Variants in SRGAP1 observed in about 807,000 individuals in gnomAD.
SRGAP1 encodes the protein SLIT-ROBO Rho GTPase activating protein 1.
Under a neutral mutation model 121.9 loss-of-function variants are expected in SRGAP1, and 43 were observed. The ratio of observed to expected loss-of-function variants is 0.35; its 90% CI spans 0.28 to 0.46. SRGAP1 has a LOEUF of 0.46. Among genes scored for constraint, SRGAP1 ranks in the 20% least tolerant of loss-of-function variants. The pLI, the probability that SRGAP1 is intolerant of heterozygous loss-of-function variation, is 1.00. For missense variants in SRGAP1, 1,102 were observed against 1,350.9 expected (o/e 0.82, Z 2.89); for synonymous variants, 447 against 485.4 (o/e 0.92, Z 1.04).
At chr12:64,021,864 G>T (rs1213048207) in intron 4 of SRGAP1, among the ~76,000 whole-genome samples, 1 of 152,118 alleles carries the variant, frequency 6.6e-6, no homozygotes, top group African/African-American at 2.4e-5. Context: ...AAAGTGAAAG[G>T]GTGAACCAGG....
chr12:64,079,725 C>G (rs529682123), intron 9 of SRGAP1, among the ~76,000 whole-genome samples: 1 of 151,792 alleles, frequency 6.6e-6, no homozygotes, highest in African/African-American at 2.4e-5. Context: ...ACTTTAATAT[C>G]TATACATGTC....
At chr12:63,989,171 T>C (rs1477797589) in intron 2 of SRGAP1, among the ~76,000 whole-genome samples, 1 of 152,250 alleles carries the variant, frequency 6.6e-6, no homozygotes, top group East Asian at 1.9e-4. Context: ...TCACTGTTTT[T>C]GTTGAGTTAT....
rs111765847 is a variant in SRGAP1 at position 63,870,685 on chromosome 12, G to A, written c.67+25802G>A. Among the ~76,000 whole-genome samples the A allele has an allele frequency of 1.3e-3, 201 of 152,042 alleles. 1 individual carries two copies. In the South Asian group the frequency reaches 0.015, roughly 12 times the overall value. On this transcript the variant is annotated intron_variant, in intron 1 of 21. Coordinates refer to ENST00000355086, the MANE Select transcript of SRGAP1 (RefSeq NM_020762.4). ...CTCCTGAGTAGCTGGGACTGCAGGC[G>A]TGTGCCACCATGCCCAACTAATTTT...
chr12:63,999,431 A>G (rs1371479493), intron 3 of SRGAP1, among the ~76,000 whole-genome samples: 2 of 152,160 alleles, frequency 1.3e-5, no homozygotes, highest in East Asian at 3.9e-4. Context: ...CAGCTCTTGG[A>G]ACTAATCCAG....
In SRGAP1 at chr12:64,149,585, C is replaced by T. The variant is rs1223144022; in HGVS notation, c.*6913C>T. ...AAATTGCGCCTGCCTCCCCATCTCT[C>T]ACTCCCGAACCAGAGTCCCAACGGG... On this transcript the variant is annotated 3_prime_UTR_variant, in exon 22 of 22. Coordinates refer to ENST00000355086, the MANE Select transcript of SRGAP1 (RefSeq NM_020762.4). 2 of 152,298 alleles carry T rather than the reference C, an allele frequency of 1.3e-5. No homozygotes were observed. Among genetic ancestry groups the T allele is most frequent in the Non-Finnish European group, 2.9e-5 (2 of 68,124 alleles). 9.4% of individuals were successfully genotyped at this position (152,298 alleles called of 1,614,324 possible).
chr12:64,007,178 A>G (rs1038734292), intron 3 of SRGAP1, among the ~76,000 whole-genome samples: 2 of 152,162 alleles, frequency 1.3e-5, no homozygotes, highest in African/African-American at 4.8e-5. Context: ...TCTGTGAGGC[A>G]AGGAGAATTT....
intron 1 of SRGAP1, among the ~76,000 whole-genome samples, chr12:63,864,140 C>G (rs1899545056): frequency 6.6e-6 from 1 of 152,144 alleles, no homozygotes; most frequent in South Asian, 2.1e-4. Context: ...CTCCACATAC[C>G]TAATCTATGA....
At position 64,160,433 on chromosome 12, in the gene SRGAP1, G is replaced by A. The variant is rs2037200732; in HGVS notation, c.*17761G>A. ...AAATCAATGTGGTCAAGGAAAGGAGGAAAAATATGTCCTCCTAGTAATTCC... is the reference window on the plus strand; with the variant it reads ...AAATCAATGTGGTCAAGGAAAGGAGAAAAAATATGTCCTCCTAGTAATTCC... On this transcript the variant is annotated 3_prime_UTR_variant, in exon 22 of 22. Coordinates refer to ENST00000355086, the MANE Select transcript of SRGAP1 (RefSeq NM_020762.4). 6.6e-6 allele frequency: 1 copy of A among 152,150 alleles called. No homozygotes were observed. The highest frequency in any genetic ancestry group is 2.4e-5 in the African/African-American group (1 of 41,438). 9.4% of individuals were successfully genotyped at this position (152,150 alleles called of 1,614,324 possible). A position where few individuals can be genotyped will look rare whatever the true frequency, so the allele number is the denominator to read the frequency against.
intron 1 of SRGAP1, among the ~76,000 whole-genome samples, chr12:63,917,237 G>T (rs1288182632): frequency 2.6e-5 from 4 of 152,118 alleles, no homozygotes; most frequent in African/African-American, 9.7e-5. Context: ...CGTTATTATT[G>T]TTATGATGAG....
intron 8 of SRGAP1, among the ~76,000 whole-genome samples, chr12:64,071,335 C>T (rs1455085784): frequency 6.6e-6 from 1 of 152,100 alleles, no homozygotes. Flanking sequence ...GTGGAGAAAC[C>T]ACTCGTTTTC....
At chr12:63,966,186 A>G (rs1044645755) in intron 1 of SRGAP1, among the ~76,000 whole-genome samples, 7 of 152,350 alleles carry the variant, frequency 4.6e-5, no homozygotes, top group Middle Eastern at 3.4e-3. Context: ...AGAACTCACA[A>G]AAATATAAAT....
intron 11 of SRGAP1, among the ~76,000 whole-genome samples, chr12:64,090,504 A>G (rs1485580360): frequency 6.6e-6 from 1 of 152,166 alleles, no homozygotes; most frequent in Non-Finnish European, 1.5e-5. Flanking sequence ...ATAAAATTCC[A>G]TTACTGCTGG....
intron 16 of SRGAP1, among the ~76,000 whole-genome samples, chr12:64,110,990 A>G (rs1482802211): frequency 6.6e-6 from 1 of 152,198 alleles, no homozygotes; most frequent in South Asian, 2.1e-4. Context: ...CTATACACTG[A>G]AAGATAACAT....
Position 63,991,986 on chromosome 12 carries a change from A to G in SRGAP1, c.426+1914A>G, listed in dbSNP as rs576895050. ...CTTAACTCTACCTAGGGGATGAGGA[A>G]ATTGTTCTCAGAAAGGGGAACACTT... On this transcript the variant is annotated intron_variant, in intron 3 of 21. Coordinates refer to ENST00000355086, the MANE Select transcript of SRGAP1 (RefSeq NM_020762.4). Among the ~76,000 whole-genome samples the G allele has an allele frequency of 2.0e-5, 3 of 152,350 alleles. No homozygotes were observed. In the South Asian group the frequency reaches 6.2e-4, roughly 32 times the overall value.
At chr12:63,862,559 A>C (rs1277326603) in intron 1 of SRGAP1, among the ~76,000 whole-genome samples, 1 of 152,228 alleles carries the variant, frequency 6.6e-6, no homozygotes, top group Non-Finnish European at 1.5e-5. Flanking sequence ...GATAGAACAA[A>C]GGTGTCTGCT....
At chr12:63,992,178 A>G (rs749842840) in intron 3 of SRGAP1, among the ~76,000 whole-genome samples, 2 of 152,258 alleles carry the variant, frequency 1.3e-5, no homozygotes, top group Non-Finnish European at 2.9e-5. Flanking sequence ...AAGGATGGTC[A>G]TGTAAGAAGG....
intron 1 of SRGAP1, among the ~76,000 whole-genome samples, chr12:63,885,371 A>T (rs1216859203): frequency 6.6e-6 from 1 of 152,188 alleles, no homozygotes; most frequent in Non-Finnish European, 1.5e-5. Context: ...GGTATGGAGT[A>T]AGGCACGCAG....
intron 1 of SRGAP1, among the ~76,000 whole-genome samples, chr12:63,937,937 G>A (rs891778749): frequency 4.6e-5 from 7 of 152,216 alleles, no homozygotes; most frequent in African/African-American, 1.4e-4. Flanking sequence ...CGGTTGGCCT[G>A]GAATCTCCAA....
In SRGAP1 at chr12:63,880,908, C is replaced by T. The variant is rs545293643; in HGVS notation, c.67+36025C>T. Among the ~76,000 whole-genome samples the T allele has an allele frequency of 4.6e-5, 7 of 152,284 alleles. No individual in the cohort carries two copies. In the South Asian group the frequency reaches 1.4e-3, roughly 32 times the overall value. ...GAATGAGCGGATGATGTGTTCCAGG[C>T]GTCTCACCAGCCTTCCTTTATCTGC... On this transcript the variant is annotated intron_variant, in intron 1 of 21. Coordinates refer to ENST00000355086, the MANE Select transcript of SRGAP1 (RefSeq NM_020762.4).
Sources: gnomAD v4.1 joint callset for allele counts (sites outside exome capture counted in the v4.1 genomes callset) on GRCh38, gnomAD v4.1.1 for gene constraint, MANE v1.5 for transcripts, NCBI Gene and HGNC (gene_info 2026-07-23, HGNC 2026-07-21) for gene names.